Variants in SYNDIG1L observed in about 807,000 individuals in gnomAD.
SYNDIG1L encodes synapse differentiation inducing 1 like.
A neutral mutation model predicts 20.1 loss-of-function variants in SYNDIG1L; 13 were observed. That is an observed-to-expected ratio of 0.65 (90% CI 0.42 to 1.03). The LOEUF (loss-of-function observed/expected upper bound fraction) is 1.03. Among genes scored for constraint, SYNDIG1L ranks in the 50% least tolerant of loss-of-function variants. SYNDIG1L has a pLI of 0.00. For missense variants in SYNDIG1L, 294 were observed against 305.1 expected (o/e 0.96, Z 0.27); for synonymous variants, 128 against 129.3 (o/e 0.99, Z 0.07).
chr14:74,446,078 G>T, the SYNDIG1L span, among the ~76,000 whole-genome samples: 3 of 152,038 alleles, frequency 2.0e-5, no homozygotes, highest in Non-Finnish European at 2.9e-5. Context: ...AAAAATTCTG[G>T]ATAAAATATT....
chr14:74,459,995 G>A, the SYNDIG1L span, among the ~76,000 whole-genome samples: 1 of 151,954 alleles, frequency 6.6e-6, no homozygotes, highest in Non-Finnish European at 1.5e-5. Flanking sequence ...ATGGCTCTCC[G>A]TCCATTCAAA....
At chr14:74,434,018 G>C in the SYNDIG1L span, among the ~76,000 whole-genome samples, 2 of 152,170 alleles carry the variant, frequency 1.3e-5, no homozygotes, top group South Asian at 4.1e-4. Flanking sequence ...CTTATGTTAT[G>C]AAATGAAGTG....
At chr14:74,460,233 A>G in the SYNDIG1L span, among the ~76,000 whole-genome samples, 1 of 149,292 alleles carries the variant, frequency 6.7e-6, no homozygotes, top group Non-Finnish European at 1.5e-5. Context: ...TGGGGCTCTT[A>G]CCACCTACTC....
chr14:74,407,558 T>G lies in SYNDIG1L; in HGVS notation c.694A>C (p.Met232Leu). The change falls in exon 4 of 4, where the codon ATG (methionine) becomes CTG (leucine). Residue 232 changes from methionine (M) to leucine (L), a missense_variant. Coordinates refer to ENST00000331628, the MANE Select transcript of SYNDIG1L (RefSeq NM_001105579.2). Reference protein sequence around the residue: ...VAVVVALAAYMSQNGHG With the variant: ...VAVVVALAAYLSQNGHG ...TACTAGCCATGACCGTTCTGGGACA[T>G]GTAAGCTGCCAGAGCCACCACCACA... 3 of 1,613,874 alleles carry G rather than the reference T, an allele frequency of 1.9e-6. No individual in the cohort carries two copies. The highest frequency in any genetic ancestry group is 2.5e-6 in the Non-Finnish European group (3 of 1,179,942).
Position 74,409,556 on chromosome 14 carries a change from G to A in SYNDIG1L, c.189C>T (p.Ala63=). 5.2e-6 allele frequency: 8 copies of A among 1,540,270 alleles called. No homozygotes were observed. The highest frequency in any genetic ancestry group is 1.8e-4 in the Middle Eastern group (1 of 5,706). ...QLLDPGSLQL[A]VEAWYRPSCL... Reference sequence around the variant, plus strand: ...AGCTGGGCCGGTACCAGGCCTCCACGGCCAGCTGCAGGGACCCTGGGTCCA... The same window carrying A: ...AGCTGGGCCGGTACCAGGCCTCCACAGCCAGCTGCAGGGACCCTGGGTCCA... Residue 63 remains alanine, a synonymous_variant, in exon 2 of 4, where the codon GCC becomes GCT. Transcript: ENST00000331628.
chr14:74,423,588 C>T (rs902482580), intron 1 of SYNDIG1L, among the ~76,000 whole-genome samples: 3 of 152,150 alleles, frequency 2.0e-5, no homozygotes, highest in Non-Finnish European at 4.4e-5. Flanking sequence ...GTTTACTCAG[C>T]TCTACCGAAA....
intron 1 of SYNDIG1L, among the ~76,000 whole-genome samples, chr14:74,417,615 T>C (rs569531382): frequency 6.8e-6 from 1 of 146,442 alleles, no homozygotes; most frequent in East Asian, 2.0e-4. Flanking sequence ...AAACTGAGGC[T>C]CAGAACTTGC....
chr14:74,454,975 G>T, the SYNDIG1L span, among the ~76,000 whole-genome samples: 1 of 152,350 alleles, frequency 6.6e-6, no homozygotes, highest in African/African-American at 2.4e-5. Flanking sequence ...TAAGTCTACA[G>T]CTGCCTTTCA....
the SYNDIG1L span, among the ~76,000 whole-genome samples, chr14:74,459,926 T>C: frequency 6.6e-6 from 1 of 152,238 alleles, no homozygotes; most frequent in Non-Finnish European, 1.5e-5. Context: ...TAGCCCCTTC[T>C]GCCAGCGAGG....
intron 1 of SYNDIG1L, among the ~76,000 whole-genome samples, chr14:74,416,871 G>T: frequency 6.6e-6 from 1 of 152,280 alleles, no homozygotes; most frequent in Non-Finnish European, 1.5e-5. Flanking sequence ...TGAAGTCTAT[G>T]TCATCATCAT....
In SYNDIG1L at chr14:74,409,367, C is replaced by T; in HGVS notation, c.378G>A (p.Glu126=). ...GGTCATCCTCCTGGTCCCGCAGCTC[C>T]TCTTGTACCCCATAGGACACAGTCT... ...TIQTVSYGVQ[E]ELRDQEDDQE... Residue 126 remains glutamate (E), a synonymous_variant, in exon 2 of 4, where the codon GAG becomes GAA. Transcript: ENST00000331628. 1 of 1,595,008 alleles carries T rather than the reference C, an allele frequency of 6.3e-7. No homozygotes were observed. Among genetic ancestry groups the T allele is most frequent in the Non-Finnish European group, 8.5e-7 (1 of 1,171,670 alleles).
At chr14:74,452,624 C>A in the SYNDIG1L span, among the ~76,000 whole-genome samples, 1 of 152,198 alleles carries the variant, frequency 6.6e-6, no homozygotes, top group Non-Finnish European at 1.5e-5. Flanking sequence ...TCTTTATCAG[C>A]AGCATGAAAA....
At chr14:74,458,306 G>C in the SYNDIG1L span, among the ~76,000 whole-genome samples, 1 of 152,116 alleles carries the variant, frequency 6.6e-6, no homozygotes, top group African/African-American at 2.4e-5. Flanking sequence ...GTTAGAAAGT[G>C]CTGTGCAGGC....
the SYNDIG1L span, chr14:74,476,654 A>C: frequency 7.7e-7 from 1 of 1,306,052 alleles, no homozygotes; most frequent in Non-Finnish European, 1.1e-6. Flanking sequence ...GGCCGGATCC[A>C]CTCACCCACA....
chr14:74,430,474 C>G (rs1338579126), upstream of SYNDIG1L, among the ~76,000 whole-genome samples: 1 of 151,520 alleles, frequency 6.6e-6, no homozygotes, highest in African/African-American at 2.4e-5. Flanking sequence ...CTCACTCTGT[C>G]ACCCAGGCTA....
the SYNDIG1L span, chr14:74,474,300 C>A: frequency 6.6e-6 from 1 of 152,238 alleles, no homozygotes; most frequent in Admixed American, 6.5e-5. Context: ...TCTCTGTTAC[C>A]CACCTTGACA....
At chr14:74,441,524 G>A in the SYNDIG1L span, among the ~76,000 whole-genome samples, 1 of 151,992 alleles carries the variant, frequency 6.6e-6, no homozygotes, top group African/African-American at 2.4e-5. Flanking sequence ...ATATATATTA[G>A]AGGCAGGGCT....
chr14:74,469,895 A>G, the SYNDIG1L span, among the ~76,000 whole-genome samples: 2 of 152,154 alleles, frequency 1.3e-5, no homozygotes, highest in African/African-American at 4.8e-5. Flanking sequence ...CCAGCAATTA[A>G]TTTACAGAAA....
At chr14:74,411,581 T>G (rs2086130987) in intron 1 of SYNDIG1L, among the ~76,000 whole-genome samples, 1 of 152,144 alleles carries the variant, frequency 6.6e-6, no homozygotes, top group Non-Finnish European at 1.5e-5. Flanking sequence ...GGAAGCTGGT[T>G]CCTGAGAAAC....
Sources: allele counts gnomAD v4.1 joint callset (sites outside exome capture counted in the v4.1 genomes callset), GRCh38; gene constraint gnomAD v4.1.1; transcripts MANE v1.5; gene names NCBI Gene and HGNC (gene_info 2026-07-23, HGNC 2026-07-21).